The following IL1RAPL2 variants were observed in gnomAD, a reference collection of about 807,000 sequenced individuals.
The protein encoded by IL1RAPL2 is interleukin 1 receptor accessory protein like 2.
A neutral mutation model predicts 44.1 loss-of-function variants in IL1RAPL2; 3 were observed. The ratio of observed to expected loss-of-function variants is 0.07; its 90% CI spans 0.03 to 0.18. IL1RAPL2 has a LOEUF of 0.18. Ranked by LOEUF, IL1RAPL2 falls within the 10% of genes least tolerant of loss-of-function variation. IL1RAPL2 has a pLI of 1.00. For missense variants in IL1RAPL2, 391 were observed against 496.4 expected, an observed-to-expected ratio of 0.79 and a Z score of 2.02; for synonymous variants, 181 against 178.8, an observed-to-expected ratio of 1.01 and a Z score of -0.10.
intron 1 of IL1RAPL2, among the ~76,000 whole-genome samples, chrX:104,636,073 C>G (rs1407591508): frequency 8.9e-6 from 1 of 112,315 alleles, no homozygotes; most frequent in Non-Finnish European, 1.9e-5. Flanking sequence ...TCAGGACCCT[C>G]AGCTGCAAGT....
chrX:105,033,550 C>A (rs1339146186), intron 2 of IL1RAPL2, among the ~76,000 whole-genome samples: 1 of 111,693 alleles, frequency 9.0e-6, no homozygotes, highest in South Asian at 3.7e-4. Context: ...TGAATATTGG[C>A]CCCCACTCTC....
chrX:105,226,655 G>A (rs192113647), intron 3 of IL1RAPL2, among the ~76,000 whole-genome samples: 468 of 109,791 alleles, frequency 4.3e-3, no homozygotes, highest in African/African-American at 0.014. Flanking sequence ...CACCCGCTTG[G>A]CCACCCAAAG....
intron 5 of IL1RAPL2, among the ~76,000 whole-genome samples, chrX:105,442,101 A>G (rs1602413634): frequency 9.1e-6 from 1 of 109,728 alleles, no homozygotes; most frequent in African/African-American, 3.3e-5. Flanking sequence ...CCCAGGCTGG[A>G]GTGCAGTGGT....
At chrX:104,769,045 T>C (rs1932601996) in intron 2 of IL1RAPL2, among the ~76,000 whole-genome samples, 1 of 111,430 alleles carries the variant, frequency 9.0e-6, no homozygotes, top group African/African-American at 3.3e-5. Flanking sequence ...GTGGTTTTTC[T>C]TCTCTGAGCC....
At chrX:105,423,289 T>A (rs1425237321) in intron 5 of IL1RAPL2, among the ~76,000 whole-genome samples, 4 of 111,911 alleles carry the variant, frequency 3.6e-5, no homozygotes, top group Non-Finnish European at 5.6e-5. Flanking sequence ...AAAGACATAA[T>A]TTATAATTTG....
At chrX:104,914,251 G>T (rs769211080) in intron 2 of IL1RAPL2, among the ~76,000 whole-genome samples, 18 of 111,960 alleles carry the variant, frequency 1.6e-4, no homozygotes, top group Admixed American at 3.8e-4. Context: ...AATCGAAATT[G>T]TGGAGTAATT....
chrX:105,189,424 T>C (rs782667007), intron 2 of IL1RAPL2, among the ~76,000 whole-genome samples: 13 of 111,432 alleles, frequency 1.2e-4, no homozygotes, highest in Non-Finnish European at 2.4e-4. Context: ...AGAGATGGAG[T>C]TTCACTGTGT....
chrX:104,750,341 C>T (rs1238036529), intron 2 of IL1RAPL2, among the ~76,000 whole-genome samples: 1 of 111,182 alleles, frequency 9.0e-6, no homozygotes, highest in African/African-American at 3.3e-5. Context: ...ATCACTGATT[C>T]CCTTGAAGTC....
chrX:105,562,609 A>T (rs2036947759), intron 6 of IL1RAPL2, among the ~76,000 whole-genome samples: 1 of 110,566 alleles, frequency 9.0e-6, no homozygotes, highest in South Asian at 3.9e-4. Context: ...TCATAGCCAG[A>T]ATGCTAGGTA....
intron 6 of IL1RAPL2, among the ~76,000 whole-genome samples, chrX:105,592,808 T>G (rs1984482762): frequency 1.8e-5 from 2 of 112,118 alleles, no homozygotes; most frequent in African/African-American, 6.5e-5. Flanking sequence ...ACTGTTAGCC[T>G]GATGGGGTTC....
At chrX:104,809,120 A>G (rs1458653540) in intron 2 of IL1RAPL2, among the ~76,000 whole-genome samples, 1 of 111,939 alleles carries the variant, frequency 8.9e-6, no homozygotes, top group Non-Finnish European at 1.9e-5. Context: ...GCAAACTGGT[A>G]ATGGACCACT....
chrX:105,599,411 C>T (rs2037234578), intron 6 of IL1RAPL2, among the ~76,000 whole-genome samples: 1 of 110,783 alleles, frequency 9.0e-6, no homozygotes, highest in Non-Finnish European at 1.9e-5. Flanking sequence ...GAGTTTGAAA[C>T]CTGGCTCTAT....
Position 105,655,996 on chromosome X carries a change from T to A in IL1RAPL2, c.773-61371T>A, listed in dbSNP as rs1407535822. On this transcript the variant is annotated intron_variant, in intron 6 of 10. Transcript: ENST00000372582. ...TCCAATTACACTCTGTAAGTTATTT[T>A]AAAATGTATGGTTAAATTATTATTG... is the stretch of plus-strand genomic sequence containing the variant. 2.7e-5 allele frequency among the ~76,000 whole-genome samples: 3 copies of A among 111,900 alleles called. No homozygotes were observed. In the East Asian group the frequency reaches 8.4e-4, roughly 31 times the overall value.
At chrX:105,640,683 T>C (rs1602498933) in intron 6 of IL1RAPL2, among the ~76,000 whole-genome samples, 1 of 89,770 alleles carries the variant, frequency 1.1e-5, no homozygotes, top group Non-Finnish European at 2.1e-5. Flanking sequence ...TATATATATA[T>C]ATATATATAC....
intron 1 of IL1RAPL2, among the ~76,000 whole-genome samples, chrX:104,624,463 A>T (rs1196725446): frequency 8.9e-6 from 1 of 111,886 alleles, no homozygotes; most frequent in Non-Finnish European, 1.9e-5. Context: ...TGAAAAGATG[A>T]TCTATCTAAT....
At chrX:105,568,019 A>C (rs2036986825) in intron 6 of IL1RAPL2, among the ~76,000 whole-genome samples, 1 of 111,267 alleles carries the variant, frequency 9.0e-6, no homozygotes, top group African/African-American at 3.3e-5. Context: ...GCCCCAGAGC[A>C]TACTAATATA....
intron 5 of IL1RAPL2, among the ~76,000 whole-genome samples, chrX:105,452,682 A>G (rs1161668481): frequency 1.8e-5 from 2 of 110,173 alleles, no homozygotes; most frequent in Non-Finnish European, 3.8e-5. Context: ...AAGGGGGGGG[A>G]CATTGATTGT....
intron 5 of IL1RAPL2, among the ~76,000 whole-genome samples, chrX:105,474,614 G>A (rs1287234633): frequency 9.0e-6 from 1 of 110,934 alleles, no homozygotes; most frequent in Admixed American, 9.6e-5. Flanking sequence ...TTCTGTAATA[G>A]AACTACAAAC....
At chrX:105,113,304 G>A (rs1272085242) in intron 2 of IL1RAPL2, among the ~76,000 whole-genome samples, 2 of 112,380 alleles carry the variant, frequency 1.8e-5, no homozygotes, top group African/African-American at 6.5e-5. Context: ...TGCAGCGCAT[G>A]CTAAGTGGAA....
Sources: allele counts gnomAD v4.1 joint callset (sites outside exome capture counted in the v4.1 genomes callset), GRCh38; gene constraint gnomAD v4.1.1; transcripts MANE v1.5; gene names NCBI Gene and HGNC (gene_info 2026-07-23, HGNC 2026-07-21).